Variants in ZYG11A observed in about 807,000 individuals in gnomAD.
ZYG11A encodes protein zyg-11 homolog A.
A neutral mutation model predicts 77.2 loss-of-function variants in ZYG11A; 62 were observed. That is an observed-to-expected ratio of 0.80 (90% CI 0.65 to 0.99). The LOEUF (loss-of-function observed/expected upper bound fraction) is 0.99. Among genes scored for constraint, ZYG11A ranks in the 50% least tolerant of loss-of-function variants. The pLI, the probability that ZYG11A is intolerant of heterozygous loss-of-function variation, is 0.00. For missense variants in ZYG11A, 828 were observed against 896.8 expected (o/e 0.92, Z 0.98); for synonymous variants, 315 against 324.6 (o/e 0.97, Z 0.32).
At chr1:52,863,163 G>A (rs186844529) in intron 4 of ZYG11A, among the ~76,000 whole-genome samples, 261 of 152,284 alleles carry the variant, frequency 1.7e-3, no homozygotes, top group African/African-American at 5.7e-3. Context: ...TTCCATAGCA[G>A]AAGTATATCC....
chr1:52,878,208 A>G (rs512723), intron 10 of ZYG11A, among the ~76,000 whole-genome samples: 62,013 of 152,148 alleles, frequency 0.41, 15,425 homozygotes, highest in Non-Finnish European at 0.57. Flanking sequence ...TCTGTGGGTC[A>G]GTAGTTTGAG....
intron 5 of ZYG11A, among the ~76,000 whole-genome samples, chr1:52,866,031 G>A (rs76890287): frequency 1.2e-4 from 18 of 146,638 alleles, no homozygotes; most frequent in Middle Eastern, 3.3e-3. Context: ...TCCGCCTCCC[G>A]GGTTCATGCC....
intron 10 of ZYG11A, among the ~76,000 whole-genome samples, chr1:52,878,966 A>G (rs938393188): frequency 6.7e-6 from 1 of 149,656 alleles, no homozygotes; most frequent in Non-Finnish European, 1.5e-5. Flanking sequence ...AAAAAAAAAA[A>G]AAAAAAAAAC....
chr1:52,865,750 A>G (rs1646012897), intron 5 of ZYG11A, among the ~76,000 whole-genome samples: 1 of 152,068 alleles, frequency 6.6e-6, no homozygotes, highest in Admixed American at 6.6e-5. Context: ...TAACACCTTA[A>G]AAAAACTAAT....
At position 52,866,758 on chromosome 1, in the gene ZYG11A, G is replaced by T. The variant is rs147177369; in HGVS notation, c.1391+191G>T. On this transcript the variant is annotated intron_variant, in intron 6 of 13. Coordinates refer to ENST00000371528, the MANE Select transcript of ZYG11A (RefSeq NM_001004339.3). ...GATTCTAGTATAGGATAGTGGGTAA[G>T]AACAGGCTCCGAGAGCCAAACATAC... is the stretch of plus-strand genomic sequence containing the variant. 8.2e-3 allele frequency among the ~76,000 whole-genome samples: 1,242 copies of T among 152,260 alleles called. 17 individuals carry two copies. In the Middle Eastern group the frequency reaches 0.13, roughly 16 times the overall value.
intron 1 of ZYG11A, among the ~76,000 whole-genome samples, chr1:52,844,336 A>G (rs977176436): frequency 1.3e-5 from 2 of 152,324 alleles, no homozygotes; most frequent in African/African-American, 4.8e-5. Flanking sequence ...GAAAAGTTAT[A>G]TAATTTGTGG....
In ZYG11A at chr1:52,886,977, G is replaced by A. The variant is rs1054309319; in HGVS notation, c.2028G>A (p.Pro676=). The A allele has an allele frequency of 3.9e-6, 6 of 1,547,286 alleles. No individual in the cohort carries two copies. Among genetic ancestry groups the A allele is most frequent in the Admixed American group, 2.0e-5 (1 of 50,832 alleles). The change falls in exon 13 of 14, where the codon CCG becomes CCA. Residue 676 remains proline, a synonymous_variant. Coordinates refer to ENST00000371528, the MANE Select transcript of ZYG11A (RefSeq NM_001004339.3). ...VTYRSFKTFF[P]LLGNFSQPEV... The stretch of plus-strand genomic sequence containing the variant: ...TTAGATCTTTCAAGACATTTTTCCC[G>A]CTCCTTGGCAACTTCTCTCAACCAG...
intron 11 of ZYG11A, among the ~76,000 whole-genome samples, chr1:52,883,804 T>C (rs1013314196): frequency 4.6e-5 from 7 of 152,072 alleles, no homozygotes; most frequent in Non-Finnish European, 7.4e-5. Flanking sequence ...TTTGTTCCAT[T>C]GTGTTAGAGA....
intron 1 of ZYG11A, among the ~76,000 whole-genome samples, chr1:52,846,387 C>T (rs1299151125): frequency 7.2e-6 from 1 of 138,824 alleles, no homozygotes; most frequent in Non-Finnish European, 1.5e-5. Flanking sequence ...GAGTCTCACT[C>T]TGTTGCCCAG....
chr1:52,889,103 A>C (rs1249959012), intron 13 of ZYG11A, among the ~76,000 whole-genome samples: 1 of 152,082 alleles, frequency 6.6e-6, no homozygotes, highest in Non-Finnish European at 1.5e-5. Flanking sequence ...TAAGCATCTT[A>C]TTTTATTTTA....
intron 10 of ZYG11A, among the ~76,000 whole-genome samples, chr1:52,880,988 G>A (rs1646353565): frequency 6.6e-6 from 1 of 152,198 alleles, no homozygotes; most frequent in Non-Finnish European, 1.5e-5. Context: ...TTGTTACACA[G>A]CATAGAAAAC....
intron 8 of ZYG11A, among the ~76,000 whole-genome samples, chr1:52,871,683 T>G (rs1373733558): frequency 1.3e-5 from 2 of 152,178 alleles, no homozygotes; most frequent in Non-Finnish European, 2.9e-5. Flanking sequence ...TTTACCATTT[T>G]GTTCAGCCTG....
In ZYG11A at chr1:52,866,501, A is replaced by C. The variant is rs1279319759; in HGVS notation, c.1327-2A>C. On this transcript the variant is annotated splice_acceptor_variant, in intron 5 of 13. Coordinates refer to ENST00000371528, the MANE Select transcript of ZYG11A (RefSeq NM_001004339.3). LOFTEE classifies it high-confidence loss of function. ...AAATTATTTTTCTTTATTCTCTAAAAGTTACAGAAGAATTGTCTTCTCTCC... is the reference window on the plus strand; with the variant it reads ...AAATTATTTTTCTTTATTCTCTAAACGTTACAGAAGAATTGTCTTCTCTCC... 6 of 1,479,470 alleles carry C rather than the reference A, an allele frequency of 4.1e-6. No homozygotes were observed. In the African/African-American group the frequency reaches 4.2e-5, roughly 10 times the overall value. The allele number at this position is 1,479,470 out of a possible 1,614,324, so 91.6% of individuals were successfully genotyped here. A position where few individuals can be genotyped will look rare whatever the true frequency, so the allele number is the denominator to read the frequency against.
chr1:52,878,019 A>G, intron 10 of ZYG11A, 50 bp downstream of exon 10: 3 of 1,461,082 alleles, frequency 2.1e-6, no homozygotes, highest in Non-Finnish European at 2.8e-6. Context: ...AGCAAAACCT[A>G]ACACTTATAT....
rs541875629 is a variant in ZYG11A at position 52,888,999 on chromosome 1, G to A, written c.2104+1946G>A. On this transcript the variant is annotated intron_variant, in intron 13 of 13. Coordinates refer to ENST00000371528, the MANE Select transcript of ZYG11A (RefSeq NM_001004339.3). ...ACAGTTATAACAGGAGAAACTAACC[G>A]AAACTAGAATTCAGTTGAGTACTTA... Among the ~76,000 whole-genome samples the A allele has an allele frequency of 2.5e-4, 38 of 152,278 alleles. No homozygotes were observed. The South Asian group carries it at 7.5e-3, about 30-fold the overall frequency.
Position 52,857,602 on chromosome 1 carries a change from T to C in ZYG11A, c.861T>C (p.Val287=). 1.3e-6 allele frequency: 2 copies of C among 1,552,018 alleles called. No individual in the cohort carries two copies. Among genetic ancestry groups the C allele is most frequent in the Non-Finnish European group, 1.7e-6 (2 of 1,147,060 alleles). Residue 287 remains valine (V), a synonymous_variant, in exon 3 of 14, where the codon GTT becomes GTC. Coordinates refer to ENST00000371528, the MANE Select transcript of ZYG11A (RefSeq NM_001004339.3). ...LLQQKDILPN[V]VSLDISGGNC... ...AGCAGAAGGATATCCTGCCCAATGT[T>C]GTGTCATTGGATATTTCTGGGGGCA...
intron 1 of ZYG11A, among the ~76,000 whole-genome samples, chr1:52,850,479 C>T (rs975392311): frequency 2.6e-5 from 4 of 152,008 alleles, no homozygotes; most frequent in Non-Finnish European, 4.4e-5. Flanking sequence ...CCACTACACC[C>T]GGCCAATTTT....
rs61746364 is a variant in ZYG11A at position 52,864,067 on chromosome 1, G to C, written c.1236G>C (p.Gln412His). The change falls in exon 5 of 14, where the codon CAG becomes CAC. Residue 412 changes from glutamine to histidine, a missense_variant. Coordinates refer to ENST00000371528, the MANE Select transcript of ZYG11A (RefSeq NM_001004339.3). Reference protein sequence around the residue: ...ASACALNLTRQGLAKGMPVRL... With the variant: ...ASACALNLTRHGLAKGMPVRL... ...CTTGCGCTCTCAACCTAACACGCCA[G>C]GGCCTGGCCAAGGGGATGCCTGTTC... 86 of 1,551,880 alleles carry C rather than the reference G, an allele frequency of 5.5e-5. No homozygotes were observed. In the African/African-American group the frequency reaches 1.1e-3, roughly 20 times the overall value.
At chr1:52,860,346 C>T (rs1447173616) in intron 3 of ZYG11A, among the ~76,000 whole-genome samples, 3 of 152,230 alleles carry the variant, frequency 2.0e-5, no homozygotes, top group Non-Finnish European at 2.9e-5. Flanking sequence ...CCACGCCTGG[C>T]GCTAGTCTCC....
Sources: allele counts gnomAD v4.1 joint callset (sites outside exome capture counted in the v4.1 genomes callset), GRCh38; gene constraint gnomAD v4.1.1; transcripts MANE v1.5; gene names NCBI Gene and HGNC (gene_info 2026-07-23, HGNC 2026-07-21).